The following GRM7 variants were observed in gnomAD, a reference collection of about 807,000 sequenced individuals.
GRM7 encodes the protein metabotropic glutamate receptor 7.
Under a neutral mutation model 84.5 loss-of-function variants are expected in GRM7, and 35 were observed. The observed-to-expected ratio is 0.41, with a 90% confidence interval of 0.32 to 0.55. The LOEUF (loss-of-function observed/expected upper bound fraction) is 0.55, where lower values mean the gene tolerates loss of function less well. GRM7 is among the 20% of genes least tolerant of loss of function. The probability of loss-of-function intolerance (pLI) is 0.19; values close to 1 mark genes in which losing one functional copy is unlikely to be tolerated. For synonymous variants in GRM7, 487 were observed against 455.1 expected (o/e 1.07, Z -0.89); for missense variants, 1,003 against 1,194.6 (o/e 0.84, Z 2.36).
At chr3:7,272,505 TATTA>T (rs1698903387) in intron 2 of GRM7, among the ~76,000 whole-genome samples, 1 of 152,202 alleles carries the variant, frequency 6.6e-6, no homozygotes, top group South Asian at 2.1e-4. Flanking sequence ...TTTGTAAGGC[TATTA>T]ATTATTGTTT....
chr3:7,624,992 A>C (rs189142841), intron 8 of GRM7, among the ~76,000 whole-genome samples: 37 of 152,304 alleles, frequency 2.4e-4, no homozygotes, highest in Non-Finnish European at 5.3e-4. Flanking sequence ...GATAACAAGT[A>C]ATAGCAATGC....
chr3:7,506,036 T>A (rs1700030106), intron 7 of GRM7, among the ~76,000 whole-genome samples: 1 of 152,210 alleles, frequency 6.6e-6, no homozygotes, highest in African/African-American at 2.4e-5. Flanking sequence ...CAACTCTTTC[T>A]TCTATATTTT....
chr3:7,376,508 A>G (rs999107535), intron 4 of GRM7, among the ~76,000 whole-genome samples: 3 of 152,198 alleles, frequency 2.0e-5, no homozygotes, highest in African/African-American at 7.2e-5. Flanking sequence ...CTTCCTGAGA[A>G]CACATATATG....
Position 7,607,789 on chromosome 3 carries a change from A to C in GRM7, c.2451+28432A>C, listed in dbSNP as rs1420578647. ...TATGTGAAACTTTTGTACATACATA[A>C]ACAAGTGTTACAGGGCTTTGCTGTG... On this transcript the variant is annotated intron_variant, in intron 8 of 9. Coordinates refer to ENST00000357716, the MANE Select transcript of GRM7 (RefSeq NM_000844.4). 3 of 149,264 alleles carry C rather than the reference A, an allele frequency of 2.0e-5. No individual in the cohort carries two copies. In the East Asian group the frequency reaches 5.9e-4, roughly 29 times the overall value. The allele number at this position is 149,264 out of a possible 1,614,324, so 9.2% of individuals were successfully genotyped here.
intron 2 of GRM7, among the ~76,000 whole-genome samples, chr3:7,229,956 C>T (rs1408100669): frequency 6.8e-6 from 1 of 147,658 alleles, no homozygotes; most frequent in African/African-American, 2.5e-5. Flanking sequence ...TCTCCTGCCT[C>T]AGCCTCCCGA....
Position 7,122,720 on chromosome 3 carries a change from A to T in GRM7, c.520-23732A>T, listed in dbSNP as rs577682564. On this transcript the variant is annotated intron_variant, in intron 1 of 9. Coordinates refer to ENST00000357716, the MANE Select transcript of GRM7 (RefSeq NM_000844.4). Reference sequence around the variant, plus strand: ...GCTAACATTTTAAATTGTTGAAAATAGGAAAAGAACATTTTCTGCATCTAG... The same window carrying T: ...GCTAACATTTTAAATTGTTGAAAATTGGAAAAGAACATTTTCTGCATCTAG... Among the ~76,000 whole-genome samples the T allele has an allele frequency of 2.0e-5, 3 of 152,362 alleles. 1 individual carries two copies. The South Asian group carries it at 6.2e-4, about 32-fold the overall frequency.
intron 8 of GRM7, among the ~76,000 whole-genome samples, chr3:7,582,866 AC>A (rs953119577): frequency 2.0e-5 from 3 of 152,120 alleles, no homozygotes; most frequent in African/African-American, 7.2e-5. Flanking sequence ...TACTGCTTCA[AC>A]AGGTCTGGAA....
At chr3:7,538,322 G>T (rs1177929816) in intron 7 of GRM7, among the ~76,000 whole-genome samples, 10 of 152,138 alleles carry the variant, frequency 6.6e-5, no homozygotes, top group African/African-American at 2.4e-4. Flanking sequence ...ATGTTGGCCA[G>T]CCTGGTCTCA....
At chr3:7,370,198 T>A (rs1029895805) in intron 4 of GRM7, among the ~76,000 whole-genome samples, 1 of 152,198 alleles carries the variant, frequency 6.6e-6, no homozygotes, top group Non-Finnish European at 1.5e-5. Flanking sequence ...TAAATGATAC[T>A]GAGAATTTTT....
chr3:7,143,155 T>G (rs1405911832), intron 1 of GRM7, among the ~76,000 whole-genome samples: 1 of 152,168 alleles, frequency 6.6e-6, no homozygotes, highest in Non-Finnish European at 1.5e-5. Context: ...AAAATGGAAG[T>G]TAATTGCTAA....
At chr3:7,024,646 G>A (rs991673344) in intron 1 of GRM7, among the ~76,000 whole-genome samples, 1 of 152,186 alleles carries the variant, frequency 6.6e-6, no homozygotes, top group African/African-American at 2.4e-5. Context: ...CAAAATCGCA[G>A]TCTAGTGTAG....
At chr3:7,538,963 T>A (rs148649828) in intron 7 of GRM7, among the ~76,000 whole-genome samples, 130 of 148,722 alleles carry the variant, frequency 8.7e-4, no homozygotes, top group African/African-American at 3.0e-3. Context: ...GCACTGTGCA[T>A]TTATGTTTCT....
intron 4 of GRM7, among the ~76,000 whole-genome samples, chr3:7,347,496 T>C (rs1692943482): frequency 6.6e-6 from 1 of 152,150 alleles, no homozygotes; most frequent in Non-Finnish European, 1.5e-5. Context: ...AAATTAAATT[T>C]GGAGTAAAAT....
chr3:7,666,611 A>G (rs1699712058), intron 8 of GRM7, among the ~76,000 whole-genome samples: 1 of 152,124 alleles, frequency 6.6e-6, no homozygotes, highest in Non-Finnish European at 1.5e-5. Flanking sequence ...AACGGCCAAA[A>G]CGTTAGAACT....
chr3:7,317,061 G>C (rs937398173), intron 4 of GRM7, among the ~76,000 whole-genome samples: 3 of 152,150 alleles, frequency 2.0e-5, no homozygotes, highest in African/African-American at 7.2e-5. Flanking sequence ...GATTTCATCA[G>C]CTTCATCAAT....
chr3:7,685,372 G>A lies in GRM7; in HGVS notation c.2698+5077G>A, dbSNP rs774223729. On this transcript the variant is annotated intron_variant, in intron 9 of 9. Transcript: ENST00000357716. The stretch of plus-strand genomic sequence containing the variant: ...CCATCCATTTTCTAAGCTAATGCCC[G>A]CAAGCCGTGCAGAGAAATACTTCAA... 3.9e-5 allele frequency among the ~76,000 whole-genome samples: 6 copies of A among 152,200 alleles called. No homozygotes were observed. In the South Asian group the frequency reaches 6.2e-4, roughly 16 times the overall value.
chr3:6,903,582 C>T (rs1438450402), intron 1 of GRM7, among the ~76,000 whole-genome samples: 1 of 152,128 alleles, frequency 6.6e-6, no homozygotes, highest in African/African-American at 2.4e-5. Flanking sequence ...CAACATTTCA[C>T]TTCCATTATA....
At chr3:6,957,748 T>C (rs73126733) in intron 1 of GRM7, among the ~76,000 whole-genome samples, 34 of 152,310 alleles carry the variant, frequency 2.2e-4, no homozygotes, top group African/African-American at 7.2e-4. Flanking sequence ...ACACCTTCAA[T>C]GTTTCATCCA....
chr3:7,703,354 G>C (rs112050714), intron 9 of GRM7, among the ~76,000 whole-genome samples: 1 of 152,008 alleles, frequency 6.6e-6, no homozygotes, highest in Non-Finnish European at 1.5e-5. Flanking sequence ...GCTACTGTAA[G>C]TTCTTTCTTA....
Sources: allele counts gnomAD v4.1 joint callset (sites outside exome capture counted in the v4.1 genomes callset), GRCh38; gene constraint gnomAD v4.1.1; transcripts MANE v1.5; gene names NCBI Gene and HGNC (gene_info 2026-07-23, HGNC 2026-07-21).